The following NOTCH1 variants were observed in gnomAD, a reference collection of about 807,000 sequenced individuals.
NOTCH1 encodes the protein notch receptor 1.
In NOTCH1, 37 loss-of-function variants were observed where a neutral mutation model predicts 254.8. That is an observed-to-expected ratio of 0.15 (90% confidence interval 0.11 to 0.19). The LOEUF (loss-of-function observed/expected upper bound fraction) is 0.19. Among genes scored for constraint, NOTCH1 ranks in the 10% least tolerant of loss-of-function variants. The probability of loss-of-function intolerance (pLI) is 1.00; values close to 1 mark genes in which losing one functional copy is unlikely to be tolerated. For missense variants in NOTCH1, 2,972 were observed against 3,708.6 expected (o/e 0.80, Z 5.16); for synonymous variants, 1,731 against 1,618.1 (o/e 1.07, Z -1.68).
At chr9:136,535,239 G>A (rs552477595) in intron 2 of NOTCH1, among the ~76,000 whole-genome samples, 30 of 151,968 alleles carry the variant, frequency 2.0e-4, no homozygotes, top group Non-Finnish European at 3.5e-4. Context: ...AGGTGGGAGG[G>A]GCCAGGCCCC....
In NOTCH1 at chr9:136,498,748, G is replaced by A. The variant is rs75949473; in HGVS notation, c.6180+151C>T. On this transcript the variant is annotated intron_variant, in intron 33 of 33. Coordinates refer to ENST00000651671, the MANE Select transcript of NOTCH1 (RefSeq NM_017617.5). ...AGGCAGGAGCACTAACGAGGTGCCCGCATCATGCGGGTGGGGCCCACATGC... is the reference window on the plus strand; with the variant it reads ...AGGCAGGAGCACTAACGAGGTGCCCACATCATGCGGGTGGGGCCCACATGC... The A allele has an allele frequency of 1.7e-3, 1,429 of 847,960 alleles. 22 individuals are homozygous for A. The African/African-American group carries it at 0.021, about 12-fold the overall frequency. 52.5% of individuals were successfully genotyped at this position (847,960 alleles called of 1,614,324 possible). A position where few individuals can be genotyped will look rare whatever the true frequency, so the allele number is the denominator to read the frequency against.
At chr9:136,535,840 A>AGCAC (rs1843644448) in intron 2 of NOTCH1, among the ~76,000 whole-genome samples, 1 of 86,498 alleles carries the variant, frequency 1.2e-5, no homozygotes, top group African/African-American at 4.7e-5. Context: ...TGGAGGGGGG[A>AGCAC]TCACTCAGGA....
intron 31 of NOTCH1, 45 bp from the exon 32 acceptor site, chr9:136,499,304 A>G: frequency 6.2e-7 from 1 of 1,606,180 alleles, no homozygotes; most frequent in Non-Finnish European, 8.5e-7. Flanking sequence ...GCAGACGTAC[A>G]CCGATGCCTC....
Position 136,513,655 on chromosome 9 carries a change from G to C in NOTCH1, c.2208-118C>G. The C allele has an allele frequency of 1.7e-6, 2 of 1,169,560 alleles. No homozygotes were observed. Among genetic ancestry groups the C allele is most frequent in the Non-Finnish European group, 1.2e-6 (1 of 811,538 alleles). 72.4% of individuals were successfully genotyped at this position (1,169,560 alleles called of 1,614,324 possible). A position where few individuals can be genotyped will look rare whatever the true frequency, so the allele number is the denominator to read the frequency against. On this transcript the variant is annotated intron_variant, in intron 13 of 33. Coordinates refer to ENST00000651671, the MANE Select transcript of NOTCH1 (RefSeq NM_017617.5). The surrounding 1 kb of genome is among the most constrained non-coding windows in gnomAD (Gnocchi z 4.7). ...CGGAGGTGCCCATCCACTCAGACTC[G>C]CAGAGTCCTTTAGTGGGGGCAGGCT...
At chr9:136,526,259 C>T (rs558016249) in intron 2 of NOTCH1, among the ~76,000 whole-genome samples, 7 of 152,372 alleles carry the variant, frequency 4.6e-5, no homozygotes, top group African/African-American at 1.4e-4. Flanking sequence ...GGGCTGTGGC[C>T]ACAGGAGGGG....
chr9:136,529,763 C>T (rs947008949), intron 2 of NOTCH1, among the ~76,000 whole-genome samples: 19 of 152,380 alleles, frequency 1.2e-4, no homozygotes, highest in African/African-American at 3.1e-4. Flanking sequence ...TTTCTGCTCC[C>T]GGCTTCCTTC....
intron 19 of NOTCH1, among the ~76,000 whole-genome samples, chr9:136,508,658 C>A (rs1014640485): frequency 6.6e-6 from 1 of 152,270 alleles, no homozygotes; most frequent in Non-Finnish European, 1.5e-5. Context: ...CCTGCCCCGG[C>A]TCCAGAAACC....
intron 2 of NOTCH1, among the ~76,000 whole-genome samples, chr9:136,528,105 C>T (rs1438799427): frequency 4.0e-5 from 6 of 151,768 alleles, no homozygotes; most frequent in East Asian, 2.0e-4. Context: ...CAGTTCCCTC[C>T]GCCCCAAAAT....
In NOTCH1 at chr9:136,516,084, C is replaced by T. The variant is rs1284236399; in HGVS notation, c.1566G>A (p.Gly522=). 1 of 1,610,638 alleles carries T rather than the reference C, an allele frequency of 6.2e-7. No individual in the cohort carries two copies. Among genetic ancestry groups the T allele is most frequent in the Non-Finnish European group, 8.5e-7 (1 of 1,179,332 alleles). The change falls in exon 10 of 34, where the codon GGG becomes GGA. Residue 522 remains glycine, a synonymous_variant. Transcript: ENST00000651671. ...CGTCCACATCGTACTGGCACAGATG[C>T]CCAGTGAAGCCTGGGGCCGGGGAGG... ...FQCECPTGFT[G]HLCQYDVDEC...
At chr9:136,539,291 C>A (rs949381416) in intron 2 of NOTCH1, among the ~76,000 whole-genome samples, 2 of 152,286 alleles carry the variant, frequency 1.3e-5, no homozygotes, top group Non-Finnish European at 2.9e-5. Flanking sequence ...GCACTCCAGG[C>A]TCCCACCCCA....
rs749786734 is a variant in NOTCH1, at chr9:136,523,182, G to A, written c.410C>T (p.Ser137Leu). 1.2e-5 allele frequency: 20 copies of A among 1,600,104 alleles called. No homozygotes were observed. The highest frequency in any genetic ancestry group is 3.4e-5 in the Admixed American group (2 of 58,412). The change falls in exon 4 of 34, where the codon TCG becomes TTG. Residue 137 changes from serine (S) to leucine (L), a missense_variant. This residue lies in a region of NOTCH1 where 374 missense variants were observed against 496.3 expected (regional missense o/e 0.75). Coordinates refer to ENST00000651671, the MANE Select transcript of NOTCH1 (RefSeq NM_017617.5). ...CRCPPGWSGK[S>L]CQQADPCASN... The stretch of plus-strand genomic sequence containing the variant: ...GGCGCACGGGTCAGCCTGCTGGCAC[G>A]ATTTCCCTGGAGACAAGGGGACAAG...
chr9:136,532,363 A>G (rs1422225113), intron 2 of NOTCH1, among the ~76,000 whole-genome samples: 1 of 152,134 alleles, frequency 6.6e-6, no homozygotes, highest in African/African-American at 2.4e-5. Context: ...AAGATCTCGC[A>G]CTACCTCACC....
rs1243453790 is a variant in NOTCH1, at chr9:136,504,739, G to A, written c.4952C>T (p.Ser1651Leu). The A allele has an allele frequency of 5.2e-6, 8 of 1,545,038 alleles. No homozygotes were observed. Among genetic ancestry groups the A allele is most frequent in the Non-Finnish European group, 7.0e-6 (8 of 1,144,108 alleles). The change falls in exon 26 of 34, where the codon TCG becomes TTG. Residue 1651 changes from serine to leucine, a missense_variant. By Grantham distance (145) the Ser-to-Leu change is moderately radical. This residue lies in a region of NOTCH1 where 1,343 missense variants were observed against 1,557.0 expected (regional missense o/e 0.86). Transcript: ENST00000651671. ...PDALLGQVKA[S>L]LLPGGSEGGR... Reference sequence around the variant, plus strand: ...ACCCTCGCTGCCACCAGGGAGCAGCGAGGCCTTCACCTGGCCCAGCAGGGC... The same window carrying A: ...ACCCTCGCTGCCACCAGGGAGCAGCAAGGCCTTCACCTGGCCCAGCAGGGC...
intron 8 of NOTCH1, 31 bp downstream of exon 8, chr9:136,517,721 C>T (rs745959893): frequency 2.3e-5 from 37 of 1,611,936 alleles, no homozygotes; most frequent in South Asian, 3.3e-5. Flanking sequence ...AGCCTCGACT[C>T]GGTTTCCCGC....
intron 2 of NOTCH1, among the ~76,000 whole-genome samples, chr9:136,525,185 C>T (rs1260818565): frequency 6.6e-6 from 1 of 152,152 alleles, no homozygotes; most frequent in Non-Finnish European, 1.5e-5. Flanking sequence ...TCTCTGCAAC[C>T]CCGTCAAGGT....
chr9:136,509,959 G>C lies in NOTCH1; in HGVS notation c.2743C>G (p.Pro915Ala), dbSNP rs878855024. The change falls in exon 18 of 34, where the codon CCG becomes GCG. Residue 915 changes from proline (P) to alanine (A), a missense_variant and splice_region_variant. By Grantham distance (27) the Pro-to-Ala change is conservative. Coordinates refer to ENST00000651671, the MANE Select transcript of NOTCH1 (RefSeq NM_017617.5). ...ETDIDDCRPN[P>A]CHNGGSCTDG... ...GTGCAGGAGCCCCCGTTGTGACACG[G>C]GTCTGGGAGAGGACGGAAGGGTGAG... 1.2e-6 allele frequency: 2 copies of C among 1,612,908 alleles called. No individual in the cohort carries two copies. Among genetic ancestry groups the C allele is most frequent in the African/African-American group, 1.3e-5 (1 of 75,064 alleles).
At chr9:136,497,934 G>C (rs1362968862) in intron 33 of NOTCH1, among the ~76,000 whole-genome samples, 1 of 152,164 alleles carries the variant, frequency 6.6e-6, no homozygotes, top group Admixed American at 6.5e-5. Flanking sequence ...CACCGGCGAG[G>C]GCACCAGGGA....
intron 6 of NOTCH1, 139 bp from the exon 7 acceptor site, chr9:136,518,431 A>G: frequency 7.9e-7 from 1 of 1,257,904 alleles, no homozygotes; most frequent in Non-Finnish European, 1.1e-6. Context: ...GACACTTGGG[A>G]CGTTCCGGGG....
rs1842934198 is a variant in NOTCH1 at position 136,497,378 on chromosome 9, T to C, written c.6361A>G (p.Ser2121Gly). The change falls in exon 34 of 34, where the codon AGC (serine) becomes GGC (glycine). Residue 2121 changes from serine (S) to glycine (G), a missense_variant. Transcript: ENST00000651671. ...RLLDEYNLVR[S>G]PQLHGAPLGG... Reference sequence around the variant, plus strand: ...AGCGGGGCTCCGTGCAGCTGCGGGCTGCGCACCAGGTTGTACTCGTCCAGC... The same window carrying C: ...AGCGGGGCTCCGTGCAGCTGCGGGCCGCGCACCAGGTTGTACTCGTCCAGC... The C allele has an allele frequency of 1.2e-6, 2 of 1,608,820 alleles. No homozygotes were observed.
Sources: allele counts gnomAD v4.1 joint callset (sites outside exome capture counted in the v4.1 genomes callset), GRCh38; gene constraint gnomAD v4.1.1; regional missense constraint gnomAD v4.1.1; non-coding constraint Gnocchi (gnomAD v3.1); transcripts MANE v1.5; gene names NCBI Gene and HGNC (gene_info 2026-07-23, HGNC 2026-07-21).